KDM5A: variants seen among roughly 807,000 people sequenced by gnomAD.
KDM5A encodes lysine-specific demethylase 5A.
KDM5A carries 42 observed loss-of-function variants against 193.5 expected under a neutral mutation model. The observed-to-expected ratio is 0.22, with a 90% CI of 0.17 to 0.28. The LOEUF is 0.28. Ranked by LOEUF, KDM5A falls within the 10% of genes least tolerant of loss-of-function variation. The probability of loss-of-function intolerance (pLI) is 1.00; values close to 1 mark genes in which losing one functional copy is unlikely to be tolerated. For synonymous variants in KDM5A, 796 were observed against 718.1 expected (o/e 1.11, Z -1.73); for missense variants, 1,692 against 2,055.1 (o/e 0.82, Z 3.42).
intron 8 of KDM5A, 115 bp downstream of exon 8, chr12:353,961 T>G: frequency 1.3e-6 from 1 of 772,004 alleles, no homozygotes; most frequent in Non-Finnish European, 2.1e-6. Flanking sequence ...AAACACTACA[T>G]AATGAAGACA....
At chr12:364,351 A>G (rs1265084973) in intron 4 of KDM5A, among the ~76,000 whole-genome samples, 1 of 152,026 alleles carries the variant, frequency 6.6e-6, no homozygotes, top group Non-Finnish European at 1.5e-5. Context: ...ATGCACCTGT[A>G]GTCTCAACTA....
intron 10 of KDM5A, among the ~76,000 whole-genome samples, chr12:337,635 A>G (rs1943951363): frequency 6.6e-6 from 1 of 150,888 alleles, no homozygotes; most frequent in African/African-American, 2.5e-5. Context: ...ATAGAATCAA[A>G]TATTTCTAAA....
At chr12:356,584 G>A (rs1270057205) in intron 5 of KDM5A, 47 bp from the exon 6 acceptor site, 3 of 1,216,970 alleles carry the variant, frequency 2.5e-6, no homozygotes, top group Admixed American at 1.7e-5. Context: ...GCTGATTCAT[G>A]CATTAATTTT....
At chr12:388,688 AAGT>A (rs1944680749) in intron 1 of KDM5A, among the ~76,000 whole-genome samples, 1 of 152,196 alleles carries the variant, frequency 6.6e-6, no homozygotes. Flanking sequence ...GCTGAGAGAA[AAGT>A]ATCAGTTCCC....
At chr12:380,945 C>T in intron 3 of KDM5A, among the ~76,000 whole-genome samples, 1 of 151,794 alleles carries the variant, frequency 6.6e-6, no homozygotes, top group Non-Finnish European at 1.5e-5. Flanking sequence ...CAGGTGCCCA[C>T]CACCACACCT....
intron 22 of KDM5A, 21 bp from the exon 23 acceptor site, chr12:308,026 A>T: frequency 6.2e-6 from 10 of 1,611,464 alleles, no homozygotes; most frequent in Non-Finnish European, 7.6e-6. Context: ...CAAACATTTA[A>T]TTGAAAAGAG....
chr12:312,446 G>C (rs1943599823), intron 20 of KDM5A, among the ~76,000 whole-genome samples: 1 of 152,004 alleles, frequency 6.6e-6, no homozygotes, highest in Admixed American at 6.6e-5. Flanking sequence ...TATGCACATG[G>C]AAAAAAATTT....
intron 20 of KDM5A, 76 bp from the exon 21 acceptor site, chr12:311,140 A>G: frequency 7.7e-7 from 1 of 1,296,480 alleles, no homozygotes; most frequent in Non-Finnish European, 1.1e-6. Context: ...AAGACCTTAC[A>G]AAGTTTAGTG....
At chr12:306,874 C>T (rs1454845191) in intron 24 of KDM5A, 72 bp downstream of exon 24, 1 of 1,351,406 alleles carries the variant, frequency 7.4e-7, no homozygotes, top group South Asian at 1.2e-5. Context: ...CATCACTGTT[C>T]AATAGCTTTT....
At chr12:358,996 T>A (rs370603500) in intron 5 of KDM5A, among the ~76,000 whole-genome samples, 7 of 149,296 alleles carry the variant, frequency 4.7e-5, no homozygotes, top group Non-Finnish European at 3.0e-5. Context: ...TAATAAAAAA[T>A]AAAAAAAAAC....
At chr12:323,976 T>G (rs1943753796) in intron 14 of KDM5A, among the ~76,000 whole-genome samples, 195 bp from the exon 15 acceptor site, 1 of 152,168 alleles carries the variant, frequency 6.6e-6, no homozygotes, top group Non-Finnish European at 1.5e-5. Flanking sequence ...AGATTAAAGT[T>G]TGGTATCTAA....
At chr12:363,647 C>G (rs1471798688) in intron 4 of KDM5A, among the ~76,000 whole-genome samples, 1 of 151,962 alleles carries the variant, frequency 6.6e-6, no homozygotes, top group Admixed American at 6.6e-5. Flanking sequence ...GCATCACTGA[C>G]CAAAATATAA....
intron 3 of KDM5A, among the ~76,000 whole-genome samples, chr12:379,827 T>C (rs933673273): frequency 2.0e-5 from 3 of 152,190 alleles, no homozygotes; most frequent in African/African-American, 4.8e-5. Flanking sequence ...TTATTAGTAG[T>C]ATGAACCTTA....
In KDM5A at chr12:313,164, G is replaced by A. The variant is rs1191460711; in HGVS notation, c.2928C>T (p.Ser976=). 3.1e-6 allele frequency: 5 copies of A among 1,613,948 alleles called. No individual in the cohort carries two copies. The highest frequency in any genetic ancestry group is 1.3e-5 in the African/African-American group (1 of 74,906). The change falls in exon 20 of 28, where the codon AGC becomes AGT. Residue 976 remains serine, a synonymous_variant. Transcript: ENST00000399788. The part of the protein sequence containing the change: ...RPRHSVASLE[S]IVNEAKNIPA... ...GAATGTTCTTGGCTTCATTCACAAT[G>A]CTTTCTAAACTTGCCACACTGTGCC...
At position 389,103 on chromosome 12, in the gene KDM5A, G is replaced by T. The variant is rs754316137; in HGVS notation, c.-12C>A. On this transcript the variant is annotated 5_prime_UTR_variant, in exon 1 of 28. Transcript: ENST00000399788. The stretch of plus-strand genomic sequence containing the variant: ...CCCACGCCCGCCATTGCAACGGCCG[G>T]GGGGGGGGGGGGGTCCCCGTGGGGA... 1.3e-4 allele frequency: 3 copies of T among 22,868 alleles called. No individual in the cohort carries two copies. Among genetic ancestry groups the T allele is most frequent in the South Asian group, 6.7e-4 (2 of 2,990 alleles). The allele number at this position is 22,868 out of a possible 1,614,324, so 1.4% of individuals were successfully genotyped here.
chr12:356,512 T>C lies in KDM5A; in HGVS notation c.698A>G (p.Asn233Ser). Residue 233 changes from asparagine to serine, a missense_variant, in exon 6 of 28, where the codon AAC (asparagine) becomes AGC (serine). Around this residue, in one of 11 missense-constraint regions of KDM5A, gnomAD observed 134 missense variants for 124.2 expected, o/e 1.08. Coordinates refer to ENST00000399788, the MANE Select transcript of KDM5A (RefSeq NM_001042603.3). ...AATCTGAAGTTTCTTCAGTTCCGTG[T>C]TTCTACTCACATCTCCAGATTCTGA... ...TQSESGDVSR[N>S]TELKKLQIFG... The C allele has an allele frequency of 6.2e-7, 1 of 1,613,238 alleles. No individual in the cohort carries two copies. The highest frequency in any genetic ancestry group is 8.5e-7 in the Non-Finnish European group (1 of 1,179,180).
intron 13 of KDM5A, 122 bp from the exon 14 acceptor site, chr12:329,151 TATA>T: frequency 1.2e-6 from 1 of 804,980 alleles, no homozygotes; most frequent in Non-Finnish European, 2.1e-6. Flanking sequence ...TCCATTTAAA[TATA>T]AAGAGGCAAT....
At chr12:363,164 A>G (rs1251897674) in intron 4 of KDM5A, 67 bp from the exon 5 acceptor site, 1 of 1,585,832 alleles carries the variant, frequency 6.3e-7, no homozygotes, top group Non-Finnish European at 8.7e-7. Context: ...GAATCAGTGT[A>G]AAAGTAATAA....
chr12:387,469 A>C (rs1044839545), intron 1 of KDM5A, among the ~76,000 whole-genome samples: 2 of 152,238 alleles, frequency 1.3e-5, no homozygotes, highest in African/African-American at 4.8e-5. Context: ...AGATTTGTTA[A>C]TATTAGGTAA....
Sources: gnomAD v4.1 joint callset for allele counts (sites outside exome capture counted in the v4.1 genomes callset) on GRCh38, gnomAD v4.1.1 for gene constraint, gnomAD v4.1.1 regional missense constraint, MANE v1.5 for transcripts, NCBI Gene and HGNC (gene_info 2026-07-23, HGNC 2026-07-21) for gene names.